The following EPM2A variants were observed in gnomAD, a reference collection of about 807,000 sequenced individuals.
EPM2A encodes the protein EPM2A glucan phosphatase, laforin.
In EPM2A, 21 loss-of-function variants were observed where a neutral mutation model predicts 26.5. The observed-to-expected ratio is 0.79, with a 90% CI of 0.56 to 1.14. The LOEUF is 1.14. Ranked by LOEUF, EPM2A falls within the 50% of genes most tolerant of loss-of-function variation. The pLI is 0.00. For missense variants in EPM2A, 458 were observed against 440.8 expected, an observed-to-expected ratio of 1.04 and a Z score of -0.35; for synonymous variants, 217 against 177.6, an observed-to-expected ratio of 1.22 and a Z score of -1.76.
At chr6:145,698,515 A>T (rs1162428334) in intron 1 of EPM2A, among the ~76,000 whole-genome samples, 2 of 152,112 alleles carry the variant, frequency 1.3e-5, no homozygotes, top group Non-Finnish European at 2.9e-5. Flanking sequence ...CAAACCATAC[A>T]GAGCAGAAAA....
intron 2 of EPM2A, among the ~76,000 whole-genome samples, chr6:145,595,178 T>C (rs1161258893): frequency 1.3e-5 from 2 of 152,074 alleles, no homozygotes; most frequent in East Asian, 3.9e-4. Context: ...AGTTTTCAAG[T>C]GTATTGTTAA....
At chr6:145,710,287 C>A (rs1430366766) in intron 1 of EPM2A, among the ~76,000 whole-genome samples, 1 of 152,080 alleles carries the variant, frequency 6.6e-6, no homozygotes, top group Non-Finnish European at 1.5e-5. Flanking sequence ...AAACAAACAA[C>A]CCCATCAAAA....
At chr6:145,598,151 T>G (rs1781372868) in intron 2 of EPM2A, among the ~76,000 whole-genome samples, 1 of 152,226 alleles carries the variant, frequency 6.6e-6, no homozygotes, top group Admixed American at 6.5e-5. Context: ...ATAATCATAC[T>G]GCTTTCCATA....
chr6:145,534,729 C>T (rs1266138151), intron 2 of EPM2A, among the ~76,000 whole-genome samples: 3 of 152,160 alleles, frequency 2.0e-5, no homozygotes, highest in African/African-American at 7.2e-5. Flanking sequence ...CTGATTTGCT[C>T]TATTTTGAAA....
chr6:145,596,466 A>G (rs1781344374), intron 2 of EPM2A, among the ~76,000 whole-genome samples: 1 of 152,136 alleles, frequency 6.6e-6, no homozygotes, highest in Non-Finnish European at 1.5e-5. Flanking sequence ...CCATTTTCCC[A>G]GTATTAGTAT....
At chr6:145,576,114 G>T (rs144785462) in intron 2 of EPM2A, among the ~76,000 whole-genome samples, 5,626 of 152,250 alleles carry the variant, frequency 0.037, 195 homozygotes, top group East Asian at 0.17. Context: ...GAGATTACAG[G>T]TGTGAGCCAC....
intron 2 of EPM2A, among the ~76,000 whole-genome samples, chr6:145,535,370 C>T (rs1418398696): frequency 4.6e-5 from 7 of 152,214 alleles, no homozygotes; most frequent in African/African-American, 1.7e-4. Flanking sequence ...CAACACTCTG[C>T]ACATTGCAAT....
At chr6:145,677,367 C>T (rs374939322) in intron 2 of EPM2A, among the ~76,000 whole-genome samples, 5 of 152,072 alleles carry the variant, frequency 3.3e-5, no homozygotes, top group Admixed American at 6.6e-5. Flanking sequence ...TTTTGAAAAC[C>T]GGCACAAGAC....
At chr6:145,420,738 C>T (rs1778770633) in intron 4 of EPM2A, among the ~76,000 whole-genome samples, 1 of 152,044 alleles carries the variant, frequency 6.6e-6, no homozygotes, top group Non-Finnish European at 1.5e-5. Context: ...AGACTAGTTA[C>T]TTTATAAAGC....
intron 2 of EPM2A, among the ~76,000 whole-genome samples, chr6:145,647,226 C>T (rs1037264337): frequency 6.6e-6 from 1 of 152,190 alleles, no homozygotes; most frequent in Non-Finnish European, 1.5e-5. Flanking sequence ...AATCTGACCC[C>T]TACGTGTGTC....
At chr6:145,693,319 C>T (rs1781388453) in intron 1 of EPM2A, among the ~76,000 whole-genome samples, 1 of 151,920 alleles carries the variant, frequency 6.6e-6, no homozygotes, top group South Asian at 2.1e-4. Flanking sequence ...TGGGTAGAGA[C>T]TGTGAGGTTT....
intron 4 of EPM2A, among the ~76,000 whole-genome samples, chr6:145,431,879 C>T (rs569041264): frequency 9.9e-5 from 15 of 152,192 alleles, no homozygotes; most frequent in Non-Finnish European, 1.5e-4. Flanking sequence ...TCCTTTCCAA[C>T]GCTGTCTTTG....
intron 2 of EPM2A, chr6:145,680,235 C>G (rs1031551908): frequency 1.3e-5 from 2 of 151,240 alleles, no homozygotes; most frequent in African/African-American, 4.9e-5. Context: ...TCTTTAAACA[C>G]ATGTTTAAAG....
At chr6:145,543,349 T>C (rs1311924017) in intron 2 of EPM2A, among the ~76,000 whole-genome samples, 1 of 151,976 alleles carries the variant, frequency 6.6e-6, no homozygotes, top group Non-Finnish European at 1.5e-5. Context: ...ATAAAAATAA[T>C]AAATCTAGGC....
At chr6:145,683,412 A>G (rs758237622) in intron 2 of EPM2A, among the ~76,000 whole-genome samples, 1 of 150,248 alleles carries the variant, frequency 6.7e-6, no homozygotes, top group Non-Finnish European at 1.5e-5. Context: ...ACATTTTAAT[A>G]TATTACTATT....
chr6:145,524,907 A>G (rs952846375), intron 2 of EPM2A, among the ~76,000 whole-genome samples: 1 of 152,152 alleles, frequency 6.6e-6, no homozygotes, highest in African/African-American at 2.4e-5. Flanking sequence ...TTGAGGTCTT[A>G]CATTTAAATA....
chr6:145,710,161 A>G (rs1775226122), intron 1 of EPM2A, among the ~76,000 whole-genome samples: 2 of 152,106 alleles, frequency 1.3e-5, no homozygotes, highest in Admixed American at 1.3e-4. Flanking sequence ...AAAAGAAACT[A>G]CCATCAGAGT....
At chr6:145,684,237 TA>T (rs1562486402) in intron 2 of EPM2A, among the ~76,000 whole-genome samples, 1 of 151,904 alleles carries the variant, frequency 6.6e-6, no homozygotes, top group East Asian at 1.9e-4. Flanking sequence ...ATGACAAATA[TA>T]AAATGTAAAT....
At chr6:145,422,441 C>T (rs1039023638) in intron 4 of EPM2A, among the ~76,000 whole-genome samples, 1 of 148,162 alleles carries the variant, frequency 6.7e-6, no homozygotes, top group Non-Finnish European at 1.5e-5. Flanking sequence ...AAGAATTTCT[C>T]CTTACAGATA....
Sources: allele counts gnomAD v4.1 joint callset (sites outside exome capture counted in the v4.1 genomes callset), GRCh38; gene constraint gnomAD v4.1.1; transcripts MANE v1.5; gene names NCBI Gene and HGNC (gene_info 2026-07-23, HGNC 2026-07-21).